The following DSE variants were observed in gnomAD, a reference collection of about 807,000 sequenced individuals.
DSE encodes dermatan-sulfate epimerase.
In DSE, 36 loss-of-function variants were observed where a neutral mutation model predicts 84.4. The ratio of observed to expected loss-of-function variants is 0.43; its 90% CI spans 0.33 to 0.56. DSE has a LOEUF of 0.56. DSE is among the 20% of genes least tolerant of loss of function. The probability of loss-of-function intolerance (pLI) is 0.06; values close to 1 mark genes in which losing one functional copy is unlikely to be tolerated. For missense variants in DSE, 862 were observed against 1,169.6 expected (o/e 0.74, Z 3.84); for synonymous variants, 410 against 430.1 (o/e 0.95, Z 0.58).
intron 2 of DSE, among the ~76,000 whole-genome samples, chr6:116,403,569 G>T (rs149323620): frequency 6.6e-6 from 1 of 152,136 alleles, no homozygotes; most frequent in Non-Finnish European, 1.5e-5. Context: ...AAAGACTGGA[G>T]ACATTGACTG....
At chr6:116,254,853 T>C (rs1772079880) in intron 1 of DSE, 1 of 152,464 alleles carries the variant, frequency 6.6e-6, no homozygotes, top group Non-Finnish European at 1.5e-5. Context: ...ACAATCTTAA[T>C]CTAAAAGTGG....
rs3777999 is a variant in DSE at position 116,391,049 on chromosome 6, C to T, written c.-53-8149C>T. On this transcript the variant is annotated intron_variant, in intron 1 of 5. Coordinates refer to ENST00000644252, the MANE Select transcript of DSE (RefSeq NM_013352.4). ...GTGGATGGGGGAGGAACCCTTCAGA[C>T]TTGACATCAGAAAATGTTTGTGAGC... 2.2e-4 allele frequency among the ~76,000 whole-genome samples: 34 copies of T among 152,244 alleles called. 1 individual carries two copies. The East Asian group carries it at 6.2e-3, about 28-fold the overall frequency.
intron 1 of DSE, among the ~76,000 whole-genome samples, chr6:116,374,963 T>C (rs1779831584): frequency 6.6e-6 from 1 of 152,186 alleles, no homozygotes; most frequent in Admixed American, 6.5e-5. Context: ...ATGTTAAGGT[T>C]TTCTCATGGG....
At chr6:116,289,144 A>G (rs1244045996) in intron 2 of DSE, among the ~76,000 whole-genome samples, 4 of 152,212 alleles carry the variant, frequency 2.6e-5, no homozygotes, top group African/African-American at 9.6e-5. Context: ...TAGTTGAAAA[A>G]TATGTGTAAT....
At chr6:116,276,016 T>C (rs1349322734) in intron 2 of DSE, among the ~76,000 whole-genome samples, 6 of 152,226 alleles carry the variant, frequency 3.9e-5, no homozygotes, top group African/African-American at 7.2e-5. Context: ...GGACTTTATC[T>C]TCTTACTCTT....
exon 2 of DSE, chr6:116,258,848 C>T: frequency 5.0e-6 from 8 of 1,608,132 alleles, no homozygotes; most frequent in Non-Finnish European, 4.3e-6. Context: ...ACGATGCACA[C>T]AGTCATGAGC....
At chr6:116,328,049 A>G (rs1224798378) in intron 2 of DSE, among the ~76,000 whole-genome samples, 7 of 152,214 alleles carry the variant, frequency 4.6e-5, no homozygotes, top group Admixed American at 3.9e-4. Flanking sequence ...AACATACTCA[A>G]CTGCTACAGC....
intron 2 of DSE, among the ~76,000 whole-genome samples, chr6:116,421,454 TATATA>T (rs1783075520): frequency 1.3e-5 from 1 of 76,054 alleles, no homozygotes; most frequent in African/African-American, 7.3e-5. Context: ...TATATATATA[TATATA>T]TATATTTTTT....
At chr6:116,401,407 C>G (rs981833712) in intron 2 of DSE, 7 of 152,048 alleles carry the variant, frequency 4.6e-5, no homozygotes, top group Non-Finnish European at 1.0e-4. Flanking sequence ...AGGCCATTAT[C>G]TAGTAAACTA....
At chr6:116,293,292 A>G (rs199847142) in intron 2 of DSE, among the ~76,000 whole-genome samples, 83 of 102,720 alleles carry the variant, frequency 8.1e-4, no homozygotes, top group Non-Finnish European at 1.2e-3. Flanking sequence ...TTTTTTTTTG[A>G]CACGGAGTCT....
Position 116,436,832 on chromosome 6 carries a change from G to C in DSE, c.2364G>C (p.Glu788Asp), listed in dbSNP as rs770181030. 9.3e-6 allele frequency: 15 copies of C among 1,614,134 alleles called. No individual in the cohort carries two copies. The South Asian group carries it at 1.6e-4, about 18-fold the overall frequency. The stretch of plus-strand genomic sequence containing the variant: ...TTTCAGATAAGAGACAGACTGAGGA[G>C]GCCATTGACAGGATTTTTGCCATAT... ...LRFSDKRQTE[E>D]AIDRIFAISQ... is the part of the protein sequence containing the mutation. The change falls in exon 6 of 6, where the codon GAG becomes GAC. Residue 788 changes from glutamate to aspartate, a missense_variant. Physicochemically the swap from Glu to Asp is conservative, Grantham distance 45. Around this residue, in one of 4 missense-constraint regions of DSE, gnomAD observed 315 missense variants for 348.1 expected, o/e 0.90. Transcript: ENST00000644252.
intron 1 of DSE, chr6:116,375,492 A>C: frequency 1.0e-6 from 1 of 981,736 alleles, no homozygotes; most frequent in Non-Finnish European, 1.2e-6. Context: ...CGACAGAGCA[A>C]GATCCTGCCT....
intron 2 of DSE, among the ~76,000 whole-genome samples, chr6:116,341,420 T>A (rs1235113074): frequency 2.0e-5 from 3 of 152,246 alleles, no homozygotes; most frequent in African/African-American, 4.8e-5. Flanking sequence ...TCTCCCGTTC[T>A]GTAGGTTGCC....
intron 1 of DSE, among the ~76,000 whole-genome samples, chr6:116,398,904 ATGTG>A (rs1781415285): frequency 6.6e-6 from 1 of 152,232 alleles, no homozygotes; most frequent in South Asian, 2.1e-4. Context: ...GCATGATACT[ATGTG>A]AGAAGAATAC....
At chr6:116,314,762 A>G (rs897017051) in intron 2 of DSE, among the ~76,000 whole-genome samples, 1 of 152,202 alleles carries the variant, frequency 6.6e-6, no homozygotes, top group African/African-American at 2.4e-5. Context: ...TATTCATGAT[A>G]TAAGTGGAGA....
rs141402685 is a variant in DSE, at chr6:116,281,249, C to T, written c.-54+22282C>T. ...GGAGCCAGGATCGTAGGAATAAAGG[C>T]AGCCTCTAGAAGCTTGAAAGGTAAG... is the stretch of plus-strand genomic sequence containing the variant. On this transcript the variant is annotated intron_variant, in intron 2 of 3. Transcript: ENST00000430252. 4.3e-3 allele frequency among the ~76,000 whole-genome samples: 662 copies of T among 152,256 alleles called. 3 individuals carry two copies. The highest frequency in any genetic ancestry group is 7.5e-3 in the Non-Finnish European group (511 of 68,004).
intron 1 of DSE, among the ~76,000 whole-genome samples, chr6:116,397,399 G>T (rs1443652629): frequency 6.6e-6 from 1 of 151,826 alleles, no homozygotes; most frequent in Non-Finnish European, 1.5e-5. Flanking sequence ...TAGAGATGGG[G>T]TTTCGCCATT....
chr6:116,388,649 A>G (rs1780707864), intron 1 of DSE, among the ~76,000 whole-genome samples: 1 of 152,250 alleles, frequency 6.6e-6, no homozygotes, highest in Admixed American at 6.5e-5. Context: ...TTTTGATTAA[A>G]CATCAAAATT....
At chr6:116,382,794 A>G (rs1043569950) in intron 1 of DSE, among the ~76,000 whole-genome samples, 1 of 152,076 alleles carries the variant, frequency 6.6e-6, no homozygotes, top group Non-Finnish European at 1.5e-5. Flanking sequence ...TCCCCGCCCT[A>G]CCCCCAGGCT....
Sources: gnomAD v4.1 joint callset for allele counts (sites outside exome capture counted in the v4.1 genomes callset) on GRCh38, gnomAD v4.1.1 for gene constraint, gnomAD v4.1.1 regional missense constraint, MANE v1.5 for transcripts, NCBI Gene and HGNC (gene_info 2026-07-23, HGNC 2026-07-21) for gene names.